The following NIPBL variants were observed in gnomAD, a reference collection of about 807,000 sequenced individuals.
NIPBL encodes nipped-B-like protein.
A neutral mutation model predicts 321.8 loss-of-function variants in NIPBL; 19 were observed. The observed-to-expected ratio is 0.06, with a 90% CI of 0.04 to 0.09. The LOEUF (loss-of-function observed/expected upper bound fraction) is 0.09. Among genes scored for constraint, NIPBL ranks in the 10% least tolerant of loss-of-function variants. The pLI, the probability that NIPBL is intolerant of heterozygous loss-of-function variation, is 1.00. For synonymous variants in NIPBL, 1,106 were observed against 1,114.1 expected (o/e 0.99, Z 0.14); for missense variants, 2,210 against 3,327.0 (o/e 0.66, Z 8.26).
At chr5:37,001,132 C>T (rs546222599) in intron 14 of NIPBL, 54 bp downstream of exon 14, 7 of 1,188,410 alleles carry the variant, frequency 5.9e-6, no homozygotes, top group African/African-American at 3.0e-5. Flanking sequence ...TAACTGTATC[C>T]TCTAGAGTAA....
chr5:37,018,929 CCT>C (rs1749307795), intron 24 of NIPBL, among the ~76,000 whole-genome samples: 1 of 151,806 alleles, frequency 6.6e-6, no homozygotes, highest in Non-Finnish European at 1.5e-5. Flanking sequence ...ATGGTGAAAC[CCT>C]GTCTCTACTA....
intron 43 of NIPBL, among the ~76,000 whole-genome samples, 185 bp downstream of exon 43, chr5:37,057,517 T>C (rs935529723): frequency 6.6e-6 from 1 of 152,242 alleles, no homozygotes; most frequent in Non-Finnish European, 1.5e-5. Flanking sequence ...TTTACCTCTA[T>C]TTAGAAACAT....
At chr5:36,878,570 T>A (rs530206079) in intron 1 of NIPBL, among the ~76,000 whole-genome samples, 47 of 152,356 alleles carry the variant, frequency 3.1e-4, no homozygotes, top group African/African-American at 1.1e-3. Flanking sequence ...GCGAAATCCC[T>A]TGTTTTACTA....
chr5:36,887,502 C>T (rs187862062), intron 1 of NIPBL, among the ~76,000 whole-genome samples: 92 of 152,230 alleles, frequency 6.0e-4, no homozygotes, highest in Middle Eastern at 3.4e-3. Flanking sequence ...ACATTTTATT[C>T]GACCACCTCT....
intron 43 of NIPBL, among the ~76,000 whole-genome samples, chr5:37,057,994 CA>C (rs762902537): frequency 6.6e-6 from 1 of 152,184 alleles, no homozygotes; most frequent in Non-Finnish European, 1.5e-5. Context: ...GTATTGCTCA[CA>C]ACTCAGCCTT....
chr5:36,931,083 G>A (rs1224979906), intron 1 of NIPBL, among the ~76,000 whole-genome samples: 2 of 152,052 alleles, frequency 1.3e-5, no homozygotes, highest in Admixed American at 6.6e-5. Context: ...ATAAAAGTTT[G>A]CTATTCTTTC....
In NIPBL at chr5:36,911,372, G is replaced by GT. The variant is rs566434066; in HGVS notation, c.-80+34195dup. On this transcript the variant is annotated intron_variant, in intron 1 of 46. Transcript: ENST00000282516. The stretch of plus-strand genomic sequence containing the variant: ...TAAAGAAAGTGAGTTGGCAGTAACA[G>GT]TGATTATTTCCTTCACTCCCATGCC... Among the ~76,000 whole-genome samples, 126 of 152,330 alleles carry GT rather than the reference G, an allele frequency of 8.3e-4. 3 individuals carry two copies. In the South Asian group the frequency reaches 0.026, roughly 31 times the overall value.
rs952176244 is a variant in NIPBL, at chr5:36,917,318, C to T, written c.-79-36300C>T. Among the ~76,000 whole-genome samples, 49 of 152,218 alleles carry T rather than the reference C, an allele frequency of 3.2e-4. 1 individual carries two copies. The highest frequency in any genetic ancestry group is 3.4e-3 in the Middle Eastern group (1 of 294). Reference sequence around the variant, plus strand: ...TTGAGAAGTGTCTGTTCATATCCTTCGCCCCCTTTTTGATGGGGTTGTTTT... The same window carrying T: ...TTGAGAAGTGTCTGTTCATATCCTTTGCCCCCTTTTTGATGGGGTTGTTTT... On this transcript the variant is annotated intron_variant, in intron 1 of 46. Transcript: ENST00000282516.
chr5:36,906,890 A>C (rs1747681330), intron 1 of NIPBL, among the ~76,000 whole-genome samples: 1 of 152,186 alleles, frequency 6.6e-6, no homozygotes, highest in South Asian at 2.1e-4. Context: ...ATCCACAAGA[A>C]ACAGGAGTTT....
At chr5:37,035,998 A>G (rs1232409282) in intron 32 of NIPBL, among the ~76,000 whole-genome samples, 4 of 152,154 alleles carry the variant, frequency 2.6e-5, no homozygotes, top group Non-Finnish European at 5.9e-5. Context: ...AGATGCAGTT[A>G]TTAATTATTT....
chr5:37,042,118 T>C (rs1469565709), intron 34 of NIPBL, among the ~76,000 whole-genome samples: 2 of 152,164 alleles, frequency 1.3e-5, no homozygotes, highest in Non-Finnish European at 2.9e-5. Context: ...GGAATGTTTT[T>C]AACTAGTGTG....
intron 1 of NIPBL, chr5:36,885,271 C>A: frequency 3.9e-6 from 2 of 511,416 alleles, no homozygotes; most frequent in South Asian, 3.0e-5. Context: ...TCCAGCCACC[C>A]AGCTATGGTG....
At chr5:36,897,954 G>T (rs1157817746) in intron 1 of NIPBL, among the ~76,000 whole-genome samples, 1 of 148,846 alleles carries the variant, frequency 6.7e-6, no homozygotes, top group Non-Finnish European at 1.5e-5. Flanking sequence ...TTTGAATTTT[G>T]TTAATACAGA....
intron 10 of NIPBL, among the ~76,000 whole-genome samples, chr5:36,988,325 G>A (rs1299738920): frequency 6.6e-6 from 1 of 151,990 alleles, no homozygotes; most frequent in Admixed American, 6.6e-5. Context: ...CTATTAGAGT[G>A]ATGTGTGTGT....
chr5:36,895,687 A>G (rs1746678429), intron 1 of NIPBL, among the ~76,000 whole-genome samples: 1 of 152,038 alleles, frequency 6.6e-6, no homozygotes, highest in African/African-American at 2.4e-5. Flanking sequence ...TGTGGCTTTG[A>G]TTTGCATTTT....
chr5:37,057,131 G>C, intron 42 of NIPBL, 55 bp from the exon 43 acceptor site: 1 of 1,596,922 alleles, frequency 6.3e-7, no homozygotes, highest in Non-Finnish European at 8.5e-7. Context: ...AAGGTTTTTT[G>C]GTTGGGTTTC....
chr5:36,878,481 T>A (rs746806355), intron 1 of NIPBL, among the ~76,000 whole-genome samples: 42 of 152,212 alleles, frequency 2.8e-4, no homozygotes, highest in Admixed American at 3.3e-4. Context: ...AAAGTGTACC[T>A]GGGTTACACG....
intron 1 of NIPBL, among the ~76,000 whole-genome samples, chr5:36,924,396 G>A (rs916369727): frequency 2.0e-5 from 3 of 152,148 alleles, no homozygotes; most frequent in Non-Finnish European, 4.4e-5. Context: ...GTCATTAAGT[G>A]TAGTGGTTAA....
intron 1 of NIPBL, among the ~76,000 whole-genome samples, chr5:36,901,305 CATGGTGTAT>C (rs1747190960): frequency 6.6e-6 from 1 of 152,144 alleles, no homozygotes; most frequent in Non-Finnish European, 1.5e-5. Flanking sequence ...CATAGTATTC[CATGGTGTAT>C]ATGTACCATA....
Sources: gnomAD v4.1 joint callset for allele counts (sites outside exome capture counted in the v4.1 genomes callset) on GRCh38, gnomAD v4.1.1 for gene constraint, MANE v1.5 for transcripts, NCBI Gene and HGNC (gene_info 2026-07-23, HGNC 2026-07-21) for gene names.